NWD1: variants seen among roughly 807,000 people sequenced by gnomAD.
The protein encoded by NWD1 is NACHT domain- and WD repeat-containing protein 1.
NWD1 carries 129 observed loss-of-function variants against 135.1 expected under a neutral mutation model. The ratio of observed to expected loss-of-function variants is 0.96; its 90% CI spans 0.83 to 1.11. NWD1 has a LOEUF of 1.11. Among genes scored for constraint, NWD1 ranks in the 50% least tolerant of loss-of-function variants. The pLI, the probability that NWD1 is intolerant of heterozygous loss-of-function variation, is 0.00. For synonymous variants in NWD1, 773 were observed against 786.0 expected, an observed-to-expected ratio of 0.98 and a Z score of 0.28; for missense variants, 1,740 against 1,851.3, an observed-to-expected ratio of 0.94 and a Z score of 1.10.
chr19:16,780,662 C>T (rs773928), intron 12 of NWD1, among the ~76,000 whole-genome samples: 34,487 of 151,168 alleles, frequency 0.23, 8,168 homozygotes, highest in African/African-American at 0.6. Flanking sequence ...TTTTCTTTTT[C>T]TCATTCTTTT....
intron 5 of NWD1, among the ~76,000 whole-genome samples, chr19:16,745,457 A>G (rs1291159926): frequency 6.6e-6 from 1 of 151,900 alleles, no homozygotes; most frequent in South Asian, 2.1e-4. Flanking sequence ...GGCTGAGCCC[A>G]GTAGTGCCTA....
Position 16,773,285 on chromosome 19 carries a change from G to A in NWD1, c.2570G>A (p.Gly857Glu), listed in dbSNP as rs534080341. The A allele has an allele frequency of 1.4e-4, 231 of 1,613,240 alleles. 4 individuals are homozygous for A. In the South Asian group the frequency reaches 2.4e-3, roughly 17 times the overall value. ...VPLGGFLQPP[G>E]GPLRATLSGC... The stretch of plus-strand genomic sequence containing the variant: ...CTCGGAGGATTCCTCCAGCCCCCGG[G>A]AGGACCCCTCCGGGCAACTCTCAGC... The change falls in exon 11 of 19, where the codon GGA (glycine) becomes GAA (glutamate). Residue 857 changes from glycine (G) to glutamate (E), a missense_variant. Gly to Glu is a moderately conservative substitution (Grantham distance 98). Coordinates refer to ENST00000524140, the MANE Select transcript of NWD1 (RefSeq NM_001007525.5).
chr19:16,764,608 T>TCCAC (rs980665463), intron 9 of NWD1, among the ~76,000 whole-genome samples: 2 of 152,088 alleles, frequency 1.3e-5, no homozygotes, highest in African/African-American at 4.8e-5. Context: ...CATCCATCCA[T>TCCAC]CCACCCATCA....
chr19:16,761,685 C>T (rs140521597), intron 7 of NWD1, among the ~76,000 whole-genome samples: 220 of 152,190 alleles, frequency 1.4e-3, no homozygotes, highest in African/African-American at 4.6e-3. Flanking sequence ...TCTTAATTCT[C>T]GGTATATACC....
rs781003819 is a variant in NWD1, at chr19:16,808,057, T to G, written c.4208T>G (p.Val1403Gly). The G allele has an allele frequency of 1.2e-6, 2 of 1,614,044 alleles. No individual in the cohort carries two copies. The highest frequency in any genetic ancestry group is 2.2e-5 in the South Asian group (2 of 91,074). Residue 1403 changes from valine to glycine, a missense_variant, in exon 18 of 19, where the codon GTG becomes GGG. Coordinates refer to ENST00000524140, the MANE Select transcript of NWD1 (RefSeq NM_001007525.5). Reference sequence around the variant, plus strand: ...GAGGTCAGCCACAAGGAGCAGCTGGTGGTCAGCGGGTCTGAGGATGCCCTG... The same window carrying G: ...GAGGTCAGCCACAAGGAGCAGCTGGGGGTCAGCGGGTCTGAGGATGCCCTG... Reference protein sequence around the residue: ...CVEVSHKEQLVVSGSEDALLC... With the variant: ...CVEVSHKEQLGVSGSEDALLC...
At position 16,815,631 on chromosome 19, in the gene NWD1, A is replaced by G. The variant is rs964327298; in HGVS notation, c.*592A>G. The G allele has an allele frequency of 4.9e-5, 16 of 329,576 alleles. No homozygotes were observed. The highest frequency in any genetic ancestry group is 4.1e-4 in the South Asian group (11 of 26,846). 20.4% of individuals were successfully genotyped at this position (329,576 alleles called of 1,614,324 possible). On this transcript the variant is annotated 3_prime_UTR_variant, in exon 19 of 19. Transcript: ENST00000524140. ...CCTAGCCTCAACTCTACTGGTCCCA[A>G]TTGGCCCATACGCCTAGCCCTAAAC...
intron 4 of NWD1, 82 bp from the exon 5 acceptor site, chr19:16,744,339 C>T (rs1173855604): frequency 5.4e-5 from 66 of 1,226,428 alleles, no homozygotes; most frequent in South Asian, 3.4e-4. Context: ...GTTGTACCAC[C>T]GCACTCCAGC....
chr19:16,727,161 G>C (rs1307557839), intron 2 of NWD1: 1 of 152,250 alleles, frequency 6.6e-6, no homozygotes, highest in Non-Finnish European at 1.5e-5. Context: ...TGTTCAAGAG[G>C]TTGGCTGGTC....
At chr19:16,748,945 A>G (rs1196819940) in intron 5 of NWD1, among the ~76,000 whole-genome samples, 194 bp from the exon 6 acceptor site, 1 of 152,154 alleles carries the variant, frequency 6.6e-6, no homozygotes, top group Non-Finnish European at 1.5e-5. Context: ...CCCCACTCAG[A>G]TCTGCTGAAT....
chr19:16,745,994 GCA>G (rs1388787981), intron 5 of NWD1, among the ~76,000 whole-genome samples: 2 of 152,028 alleles, frequency 1.3e-5, no homozygotes, highest in African/African-American at 4.8e-5. Flanking sequence ...CTAACTCCTT[GCA>G]CAGTCGAAAA....
At chr19:16,779,897 A>C (rs978629263) in intron 12 of NWD1, among the ~76,000 whole-genome samples, 1 of 152,128 alleles carries the variant, frequency 6.6e-6, no homozygotes, top group East Asian at 1.9e-4. Flanking sequence ...TAGCCTACCA[A>C]GTAGCTGGGA....
intron 11 of NWD1, among the ~76,000 whole-genome samples, chr19:16,778,681 A>G (rs780334014): frequency 2.0e-5 from 3 of 151,660 alleles, no homozygotes; most frequent in South Asian, 2.1e-4. Context: ...GCTAATTTTT[A>G]TATTTTTAGT....
rs562569748 is a variant in NWD1, at chr19:16,789,049, G to A, written c.2799G>A (p.Thr933=). 49 of 1,613,218 alleles carry A rather than the reference G, an allele frequency of 3.0e-5. No homozygotes were observed. Among genetic ancestry groups the A allele is most frequent in the Middle Eastern group, 1.8e-4 (1 of 5,634 alleles). ...TLANSASKDY[T]LHLWNLLSGQ... ...CCAACTCTGCTTCAAAGGATTACAC[G>A]CTGCACTTGTGGAACTTACTCTCTG... Residue 933 remains threonine, a synonymous_variant, in exon 13 of 19, where the codon ACG becomes ACA. Coordinates refer to ENST00000524140, the MANE Select transcript of NWD1 (RefSeq NM_001007525.5).
At chr19:16,812,980 G>A in intron 18 of NWD1, 1 of 674,850 alleles carries the variant, frequency 1.5e-6, no homozygotes, top group East Asian at 2.5e-5. Context: ...TTAGGAAGGT[G>A]TCTGCAGGCA....
At chr19:16,743,972 C>T (rs541558726) in intron 4 of NWD1, among the ~76,000 whole-genome samples, 39 of 152,172 alleles carry the variant, frequency 2.6e-4, no homozygotes, top group Admixed American at 6.6e-4. Context: ...TGTGAGCCAC[C>T]GCGCCTGGCC....
In NWD1 at chr19:16,815,947, G is replaced by A. The variant is rs117451765; in HGVS notation, c.*908G>A. ...ACAGATGAGGAAACTGAGCCTTGCG[G>A]AAGTAGTTATAATTTGATTCAGGTC... is the stretch of plus-strand genomic sequence containing the variant. On this transcript the variant is annotated 3_prime_UTR_variant, in exon 19 of 19. Coordinates refer to ENST00000524140, the MANE Select transcript of NWD1 (RefSeq NM_001007525.5). 1.3e-5 allele frequency: 2 copies of A among 152,438 alleles called. No individual in the cohort carries two copies. The highest frequency in any genetic ancestry group is 2.9e-5 in the Non-Finnish European group (2 of 68,140). The allele number at this position is 152,438 out of a possible 1,614,324, so 9.4% of individuals were successfully genotyped here. A position where few individuals can be genotyped will look rare whatever the true frequency, so the allele number is the denominator to read the frequency against.
At chr19:16,772,465 G>A (rs1020342130) in intron 10 of NWD1, among the ~76,000 whole-genome samples, 1 of 152,130 alleles carries the variant, frequency 6.6e-6, no homozygotes, top group African/African-American at 2.4e-5. Flanking sequence ...AGCCAACATG[G>A]TGAAACCCCG....
rs1968232865 is a variant in NWD1, at chr19:16,744,700, C to T, written c.478C>T (p.Gln160Ter). 3 of 1,535,998 alleles carry T rather than the reference C, an allele frequency of 2.0e-6. No individual in the cohort carries two copies. The highest frequency in any genetic ancestry group is 2.4e-5 in the East Asian group (1 of 40,898). The change falls in exon 5 of 19, where the codon CAG becomes TAG. Residue 160 changes from glutamine (Q) to a stop codon, truncating the protein, a stop_gained. Coordinates refer to ENST00000524140, the MANE Select transcript of NWD1 (RefSeq NM_001007525.5). LOFTEE classifies it high-confidence loss of function. ...GGGGCTCATCACCCAGGAGCAGTGG[C>T]AGCACTACCACCGGTCAGGTGAGGC... ...RLGLITQEQW[Q>*]HYHRSVIEWE...
rs1359030815 is a variant in NWD1, at chr19:16,732,544, CCA to C, written c.81+1267_81+1268del. Among the ~76,000 whole-genome samples, 6 of 148,606 alleles carry C rather than the reference CCA, an allele frequency of 4.0e-5. No homozygotes were observed. The Admixed American group carries it at 4.1e-4, about 10-fold the overall frequency. On this transcript the variant is annotated intron_variant, in intron 3 of 18. Transcript: ENST00000524140. ...GATGGTGTACCTGTTTGGCACAGTCCCAAAACAGTAGGAGCCCCTAATGCTGT... is the reference window on the plus strand; with the variant it reads ...GATGGTGTACCTGTTTGGCACAGTCCAAACAGTAGGAGCCCCTAATGCTGT...
Sources: gnomAD v4.1 joint callset for allele counts (sites outside exome capture counted in the v4.1 genomes callset) on GRCh38, gnomAD v4.1.1 for gene constraint, MANE v1.5 for transcripts, NCBI Gene and HGNC (gene_info 2026-07-23, HGNC 2026-07-21) for gene names.